PLEKHM3: variants seen among roughly 807,000 people sequenced by gnomAD.
The protein encoded by PLEKHM3 is pleckstrin homology domain-containing family M member 3.
A neutral mutation model predicts 81.8 loss-of-function variants in PLEKHM3; 45 were observed. That is an observed-to-expected ratio of 0.55 (90% CI 0.43 to 0.71). The LOEUF (loss-of-function observed/expected upper bound fraction) is 0.71, where lower values mean the gene tolerates loss of function less well. Among genes scored for constraint, PLEKHM3 ranks in the 30% least tolerant of loss-of-function variants. PLEKHM3 has a pLI of 0.00. For missense variants in PLEKHM3, 788 were observed against 924.3 expected, an observed-to-expected ratio of 0.85 and a Z score of 1.91; for synonymous variants, 352 against 356.4, an observed-to-expected ratio of 0.99 and a Z score of 0.14.
At chr2:208,016,668 A>ATACACAC (rs11436592) in intron 1 of PLEKHM3, among the ~76,000 whole-genome samples, 2 of 61,554 alleles carry the variant, frequency 3.2e-5, no homozygotes, top group Admixed American at 2.2e-4. Flanking sequence ...AAAAAAAAAA[A>ATACACAC]ATACACACAC....
intron 6 of PLEKHM3, among the ~76,000 whole-genome samples, chr2:207,893,882 G>A (rs867373634): frequency 2.6e-5 from 4 of 152,126 alleles, no homozygotes; most frequent in East Asian, 1.9e-4. Flanking sequence ...TTGGGAGGCC[G>A]AGGTGGGAGG....
intron 7 of PLEKHM3, among the ~76,000 whole-genome samples, chr2:207,848,138 G>A (rs113320910): frequency 1.1e-4 from 17 of 152,292 alleles, no homozygotes; most frequent in East Asian, 3.9e-4. Context: ...AACAAAGGCC[G>A]AGCAAATAGG....
At chr2:207,993,268 C>G (rs1691958157) in intron 2 of PLEKHM3, among the ~76,000 whole-genome samples, 1 of 152,100 alleles carries the variant, frequency 6.6e-6, no homozygotes, top group Non-Finnish European at 1.5e-5. Flanking sequence ...AATAATGTAA[C>G]CAATGGAAAC....
intron 6 of PLEKHM3, 89 bp downstream of exon 6, chr2:207,908,425 G>T: frequency 8.2e-7 from 1 of 1,219,524 alleles, no homozygotes; most frequent in Non-Finnish European, 1.2e-6. Flanking sequence ...CTACCCCAAT[G>T]ATGGCAGAAT....
intron 6 of PLEKHM3, among the ~76,000 whole-genome samples, chr2:207,865,801 A>AAAAAAAAAAAAAAAATATATATATATAT: frequency 7.9e-5 from 2 of 25,288 alleles, no homozygotes; most frequent in African/African-American, 2.1e-4. Context: ...AAAAAAAAAA[A>AAAAAAAAAAAAAAAATATATATATATAT]AGATATATAT....
intron 7 of PLEKHM3, among the ~76,000 whole-genome samples, chr2:207,845,819 T>C (rs1454375034): frequency 1.3e-5 from 2 of 152,254 alleles, no homozygotes; most frequent in Non-Finnish European, 2.9e-5. Context: ...GAGCAAAATA[T>C]AAAAAGTCTA....
In PLEKHM3 at chr2:208,001,443, A is replaced by G. The variant is rs1692300555; in HGVS notation, c.197T>C (p.Leu66Pro). Reference sequence around the variant, plus strand: ...GTCCCAAATCATGCCCCCCTTGCCCAGGGAGGTGACATTTCTCATAGCACC... The same window carrying G: ...GTCCCAAATCATGCCCCCCTTGCCCGGGGAGGTGACATTTCTCATAGCACC... ...DNGAMRNVTSLGKGGMIWDHC... is the reference protein window; with the variant it reads ...DNGAMRNVTSPGKGGMIWDHC... Residue 66 changes from leucine (L) to proline (P), a missense_variant, in exon 2 of 8, where the codon CTG (leucine) becomes CCG (proline). Transcript: ENST00000427836. 1 of 1,614,034 alleles carries G rather than the reference A, an allele frequency of 6.2e-7. No individual in the cohort carries two copies. Among genetic ancestry groups the G allele is most frequent in the African/African-American group, 1.3e-5 (1 of 74,926 alleles).
Position 207,886,755 on chromosome 2 carries a change from T to C in PLEKHM3, c.1950+21759A>G, listed in dbSNP as rs1055015826. 6.6e-5 allele frequency among the ~76,000 whole-genome samples: 10 copies of C among 152,250 alleles called. 1 individual carries two copies. The South Asian group carries it at 2.1e-3, about 31-fold the overall frequency. The stretch of plus-strand genomic sequence containing the variant: ...ATAATTTTCTCATTATGTAATTCAA[T>C]GTCATTTTAAGCCACATCTATGTAA... On this transcript the variant is annotated intron_variant, in intron 6 of 7. Transcript: ENST00000427836.
At chr2:207,871,514 TG>T (rs1481068173) in intron 6 of PLEKHM3, among the ~76,000 whole-genome samples, 1 of 152,228 alleles carries the variant, frequency 6.6e-6, no homozygotes, top group African/African-American at 2.4e-5. Flanking sequence ...TGCTCTCTGC[TG>T]GAAACTAGGT....
intron 6 of PLEKHM3, among the ~76,000 whole-genome samples, chr2:207,864,199 A>C (rs2092483531): frequency 6.6e-6 from 1 of 152,158 alleles, no homozygotes; most frequent in African/African-American, 2.4e-5. Context: ...CCATTCTTCA[A>C]CTTACTTTTC....
At chr2:207,964,814 T>G (rs539191460) in intron 3 of PLEKHM3, among the ~76,000 whole-genome samples, 1 of 152,304 alleles carries the variant, frequency 6.6e-6, no homozygotes, top group South Asian at 2.1e-4. Context: ...TTTCAAGGTA[T>G]AAAGATGGAT....
intron 7 of PLEKHM3, among the ~76,000 whole-genome samples, chr2:207,856,374 T>C (rs73062881): frequency 0.041 from 6,306 of 152,244 alleles, 271 homozygotes; most frequent in African/African-American, 0.11. Context: ...TATGAAACCA[T>C]AGATTCTGAC....
chr2:207,966,832 C>T (rs766945931), intron 3 of PLEKHM3, among the ~76,000 whole-genome samples: 4 of 152,090 alleles, frequency 2.6e-5, no homozygotes, highest in East Asian at 3.9e-4. Flanking sequence ...GGATTACAGG[C>T]GTGAGCCACC....
chr2:207,889,583 G>A, intron 6 of PLEKHM3, among the ~76,000 whole-genome samples: 1 of 151,960 alleles, frequency 6.6e-6, no homozygotes, highest in South Asian at 2.1e-4. Flanking sequence ...AGTCCCTTAG[G>A]AGGCCTAGCC....
chr2:207,929,818 C>T (rs2105937883), intron 5 of PLEKHM3: 1 of 627,162 alleles, frequency 1.6e-6, no homozygotes, highest in African/African-American at 1.8e-5. Flanking sequence ...GGGGTTATGT[C>T]AGTTTCTTTG....
chr2:207,897,683 C>T (rs1688270215), intron 6 of PLEKHM3, among the ~76,000 whole-genome samples: 1 of 152,180 alleles, frequency 6.6e-6, no homozygotes, highest in Admixed American at 6.5e-5. Flanking sequence ...ATATCATCAT[C>T]CCTTAGGAGA....
At chr2:207,838,018 C>T (rs1240580829) in intron 7 of PLEKHM3, among the ~76,000 whole-genome samples, 9 of 151,650 alleles carry the variant, frequency 5.9e-5, no homozygotes, top group African/African-American at 7.3e-5. Context: ...GTGATCCGCC[C>T]GCCTCGGCCT....
chr2:207,920,689 G>C (rs1020077973), intron 5 of PLEKHM3, among the ~76,000 whole-genome samples: 1 of 148,298 alleles, frequency 6.7e-6, no homozygotes, highest in Non-Finnish European at 1.5e-5. Flanking sequence ...ATGTTCTTAC[G>C]TGAAATGATG....
intron 7 of PLEKHM3, among the ~76,000 whole-genome samples, chr2:207,833,242 C>G (rs1365601653): frequency 1.3e-5 from 2 of 151,992 alleles, no homozygotes; most frequent in African/African-American, 4.8e-5. Context: ...GCAAATCTAC[C>G]AATGTAATCA....
Sources: gnomAD v4.1 joint callset for allele counts (sites outside exome capture counted in the v4.1 genomes callset) on GRCh38, gnomAD v4.1.1 for gene constraint, MANE v1.5 for transcripts, NCBI Gene and HGNC (gene_info 2026-07-23, HGNC 2026-07-21) for gene names.